Variants in VLDLR observed in about 807,000 individuals in gnomAD.
The protein encoded by VLDLR is very low density lipoprotein receptor, also known as very low-density lipoprotein receptor.
Under a neutral mutation model 112.7 loss-of-function variants are expected in VLDLR, and 81 were observed. The observed-to-expected ratio is 0.72, with a 90% CI of 0.60 to 0.86. VLDLR has a LOEUF of 0.86. Ranked by LOEUF, VLDLR falls within the 40% of genes least tolerant of loss-of-function variation. The pLI is 0.00. For missense variants in VLDLR, 1,237 were observed against 1,099.4 expected, an observed-to-expected ratio of 1.13 and a Z score of -1.77; for synonymous variants, 436 against 384.8, an observed-to-expected ratio of 1.13 and a Z score of -1.56.
Position 2,658,455 on chromosome 9 carries a change from G to A in VLDLR, c.*4587G>A, listed in dbSNP as rs902073561. 1 of 152,202 alleles carries A rather than the reference G, an allele frequency of 6.6e-6. No homozygotes were observed. Among genetic ancestry groups the A allele is most frequent in the African/African-American group, 2.4e-5 (1 of 41,456 alleles). The allele number at this position is 152,202 out of a possible 1,614,324, so 9.4% of individuals were successfully genotyped here. A position where few individuals can be genotyped will look rare whatever the true frequency, so the allele number is the denominator to read the frequency against. The stretch of plus-strand genomic sequence containing the variant: ...GCGGGTGGGGAGTTTGTGCTCCGCA[G>A]GTTACCTCATGGCATATCAAAAATG... On this transcript the variant is annotated 3_prime_UTR_variant, in exon 19 of 19. Coordinates refer to ENST00000382100, the MANE Select transcript of VLDLR (RefSeq NM_003383.5).
intron 1 of VLDLR, among the ~76,000 whole-genome samples, chr9:2,624,222 C>T (rs939087791): frequency 2.0e-5 from 3 of 152,176 alleles, no homozygotes; most frequent in Non-Finnish European, 2.9e-5. Flanking sequence ...AAAACAAATT[C>T]TTCAAAGGAG....
At chr9:2,642,293 C>T (rs1299723037) in intron 4 of VLDLR, among the ~76,000 whole-genome samples, 2 of 152,264 alleles carry the variant, frequency 1.3e-5, no homozygotes, top group South Asian at 4.2e-4. Context: ...TGGTAGTAGT[C>T]AAGGGAGCTC....
In VLDLR at chr9:2,638,907, C is replaced by T. The variant is rs1817713484; in HGVS notation, c.203-952C>T. 2.6e-5 allele frequency among the ~76,000 whole-genome samples: 4 copies of T among 150,984 alleles called. No individual in the cohort carries two copies. The South Asian group carries it at 8.3e-4, about 31-fold the overall frequency. ...ACCCCTTGGCTAGAAAGGCTAAAAT[C>T]TTCTCTCCCTTGAATTCTAAGTACA... is the stretch of plus-strand genomic sequence containing the variant. On this transcript the variant is annotated intron_variant, in intron 2 of 18. Coordinates refer to ENST00000382100, the MANE Select transcript of VLDLR (RefSeq NM_003383.5).
At chr9:2,627,384 C>T (rs1189854352) in intron 1 of VLDLR, among the ~76,000 whole-genome samples, 3 of 152,146 alleles carry the variant, frequency 2.0e-5, no homozygotes, top group Non-Finnish European at 2.9e-5. Flanking sequence ...TACCAAAGAG[C>T]ATTAAAACAT....
At chr9:2,651,615 A>G in intron 16 of VLDLR, 117 bp downstream of exon 16, 3 of 1,001,128 alleles carry the variant, frequency 3.0e-6, no homozygotes, top group Non-Finnish European at 4.5e-6. Context: ...TTGGTAACCT[A>G]TATTTAAACA....
chr9:2,633,148 T>A (rs1051667141), intron 1 of VLDLR, among the ~76,000 whole-genome samples: 2 of 151,166 alleles, frequency 1.3e-5, no homozygotes, highest in Non-Finnish European at 2.9e-5. Flanking sequence ...TTGAGTAAAG[T>A]GGAAATATCT....
chr9:2,643,281 G>A lies in VLDLR; in HGVS notation c.570G>A (p.Pro190=), dbSNP rs116556362. 6.3e-5 allele frequency: 101 copies of A among 1,613,712 alleles called. No individual in the cohort carries two copies. The highest frequency in any genetic ancestry group is 7.5e-5 in the Non-Finnish European group (88 of 1,179,690). ...SDGSDELDCA[P]PTCGAHEFQC... ...GCAGTGATGAGCTGGACTGTGCCCC[G>A]CCAACCTGTGGCGCCCATGAGTTCC... is the stretch of plus-strand genomic sequence containing the variant. The change falls in exon 5 of 19, where the codon CCG becomes CCA. Residue 190 remains proline, a synonymous_variant. Transcript: ENST00000382100.
At chr9:2,646,595 G>T (rs1426751558) in intron 11 of VLDLR, 43 bp downstream of exon 11, 1 of 1,582,034 alleles carries the variant, frequency 6.3e-7, no homozygotes, top group Non-Finnish European at 8.7e-7. Flanking sequence ...AATGGTATCT[G>T]TGTAGGTCAG....
intron 2 of VLDLR, among the ~76,000 whole-genome samples, chr9:2,638,272 A>G (rs1365926963): frequency 6.6e-6 from 1 of 152,184 alleles, no homozygotes; most frequent in African/African-American, 2.4e-5. Flanking sequence ...TTGTCAACCC[A>G]TCTTGAGTTC....
intron 1 of VLDLR, among the ~76,000 whole-genome samples, chr9:2,626,347 C>A (rs1326911094): frequency 6.6e-6 from 1 of 152,180 alleles, no homozygotes; most frequent in Non-Finnish European, 1.5e-5. Context: ...CAACTTGTCA[C>A]GTGATGTCAG....
rs1326345811 is a variant in VLDLR, at chr9:2,653,697, T to C, written c.2587-136T>C. On this transcript the variant is annotated intron_variant, in intron 18 of 18. Coordinates refer to ENST00000382100, the MANE Select transcript of VLDLR (RefSeq NM_003383.5). Reference sequence around the variant, plus strand: ...ATGAATGATACAACTCAGTATTCTTTTGTATCTGACTGACTTTTCTTCTAA... The same window carrying C: ...ATGAATGATACAACTCAGTATTCTTCTGTATCTGACTGACTTTTCTTCTAA... The C allele has an allele frequency of 1.4e-5, 12 of 875,582 alleles. 1 individual carries two copies. The South Asian group carries it at 1.5e-4, about 11-fold the overall frequency. 54.2% of individuals were successfully genotyped at this position (875,582 alleles called of 1,614,324 possible). A position where few individuals can be genotyped will look rare whatever the true frequency, so the allele number is the denominator to read the frequency against.
Position 2,641,410 on chromosome 9 carries a change from G to A in VLDLR, c.359G>A (p.Cys120Tyr). Residue 120 changes from cysteine to tyrosine, a missense_variant, in exon 4 of 19, where the codon TGT becomes TAT. Physicochemically the swap from Cys to Tyr is radical, Grantham distance 194. Transcript: ENST00000382100. ...MRTCRIHEISCGAHSTQCIPV... is the reference protein window; with the variant it reads ...MRTCRIHEISYGAHSTQCIPV... ...ACATGCCGCATACATGAAATCAGCT[G>A]TGGCGCCCATTCTACTCAGTGTATC... is the stretch of plus-strand genomic sequence containing the variant. The A allele has an allele frequency of 6.2e-7, 1 of 1,614,228 alleles. No homozygotes were observed. Among genetic ancestry groups the A allele is most frequent in the Non-Finnish European group, 8.5e-7 (1 of 1,180,040 alleles).
intron 1 of VLDLR, among the ~76,000 whole-genome samples, chr9:2,625,709 C>G (rs960049722): frequency 6.6e-6 from 1 of 152,184 alleles, no homozygotes; most frequent in African/African-American, 2.4e-5. Context: ...CTAATTTAAT[C>G]TCAAAAGAAT....
chr9:2,628,124 TCAGGCAC>T (rs1161712042), intron 1 of VLDLR, among the ~76,000 whole-genome samples: 1 of 152,214 alleles, frequency 6.6e-6, no homozygotes, highest in African/African-American at 2.4e-5. Context: ...ATATAGGATG[TCAGGCAC>T]CAGGTCCTGA....
intron 9 of VLDLR, 63 bp from the exon 10 acceptor site, chr9:2,645,511 G>A: frequency 2.5e-6 from 4 of 1,579,434 alleles, no homozygotes; most frequent in South Asian, 1.1e-5. Context: ...CTGGGAGGAG[G>A]TGGTTTAGAA....
intron 14 of VLDLR, 73 bp downstream of exon 14, chr9:2,648,883 A>C: frequency 6.3e-7 from 1 of 1,597,786 alleles, no homozygotes; most frequent in Non-Finnish European, 8.6e-7. Flanking sequence ...GCTGGATGTC[A>C]GTAGCTCTTG....
chr9:2,624,324 A>C (rs970317560), intron 1 of VLDLR, among the ~76,000 whole-genome samples: 6 of 152,130 alleles, frequency 3.9e-5, no homozygotes, highest in African/African-American at 1.4e-4. Flanking sequence ...CTTAAGTTCA[A>C]AGTCTCAGGG....
intron 1 of VLDLR, among the ~76,000 whole-genome samples, chr9:2,631,528 T>A (rs1299894677): frequency 3.3e-5 from 5 of 152,172 alleles, no homozygotes; most frequent in African/African-American, 4.8e-5. Context: ...GGGATGGAAT[T>A]GGAGGTCATT....
At chr9:2,623,625 T>G (rs1295279111) in intron 1 of VLDLR, among the ~76,000 whole-genome samples, 1 of 152,244 alleles carries the variant, frequency 6.6e-6, no homozygotes, top group African/African-American at 2.4e-5. Context: ...GGACTGGCCT[T>G]TCCGCCCTCT....
Sources: gnomAD v4.1 joint callset for allele counts (sites outside exome capture counted in the v4.1 genomes callset) on GRCh38, gnomAD v4.1.1 for gene constraint, MANE v1.5 for transcripts, NCBI Gene and HGNC (gene_info 2026-07-23, HGNC 2026-07-21) for gene names.